The following DNAH17 variants were observed in gnomAD, a reference collection of about 807,000 sequenced individuals.
The protein encoded by DNAH17 is axonemal beta dynein heavy chain 17.
DNAH17 carries 376 observed loss-of-function variants against 485.6 expected under a neutral mutation model. The observed-to-expected ratio is 0.77, with a 90% CI of 0.71 to 0.84. DNAH17 has a LOEUF of 0.84. DNAH17 is among the 40% of genes least tolerant of loss of function. The pLI is 0.00. For synonymous variants in DNAH17, 3,031 were observed against 2,405.9 expected, an observed-to-expected ratio of 1.26 and a Z score of -7.60; for missense variants, 6,370 against 5,839.3, an observed-to-expected ratio of 1.09 and a Z score of -2.96.
intron 51 of DNAH17, among the ~76,000 whole-genome samples, chr17:78,477,765 C>A (rs950897124): frequency 1.3e-5 from 2 of 152,146 alleles, no homozygotes; most frequent in African/African-American, 2.4e-5. Flanking sequence ...ATATAAGCAC[C>A]AAACTTATGT....
Position 78,569,490 on chromosome 17 carries a change from C to G in DNAH17, c.1082G>C (p.Gly361Ala). The G allele has an allele frequency of 6.2e-7, 1 of 1,610,124 alleles. No individual in the cohort carries two copies. The highest frequency in any genetic ancestry group is 1.7e-4 in the Middle Eastern group (1 of 6,058). Reference sequence around the variant, plus strand: ...GACTTCCTCGATTTCACCTTGCAGGCCCTTCAGCACCTCTTCCGGGCTCAG... The same window carrying G: ...GACTTCCTCGATTTCACCTTGCAGGGCCTTCAGCACCTCTTCCGGGCTCAG... ...TFLSPEEVLK[G>A]LQGEIEEVLS... Residue 361 changes from glycine to alanine, a missense_variant, in exon 8 of 81, where the codon GGC becomes GCC. Gly to Ala is a moderately conservative substitution (Grantham distance 60, BLOSUM62 0). Coordinates refer to ENST00000389840, the MANE Select transcript of DNAH17 (RefSeq NM_173628.4).
intron 5 of DNAH17, 108 bp downstream of exon 5, chr17:78,571,171 G>A: frequency 7.7e-7 from 1 of 1,292,644 alleles, no homozygotes; most frequent in South Asian, 1.3e-5. Context: ...TGAGAAAGCT[G>A]CTCGCAGAGG....
intron 58 of DNAH17, among the ~76,000 whole-genome samples, chr17:78,460,882 C>A (rs929262916): frequency 4.6e-5 from 7 of 152,232 alleles, no homozygotes; most frequent in African/African-American, 1.7e-4. Context: ...TGTACATACT[C>A]ATTCATTCAC....
intron 42 of DNAH17, among the ~76,000 whole-genome samples, chr17:78,491,797 C>A (rs1337293829): frequency 6.6e-6 from 1 of 152,226 alleles, no homozygotes; most frequent in Non-Finnish European, 1.5e-5. Flanking sequence ...CCTCCTCCGA[C>A]CCTGCACCCT....
chr17:78,553,283 GTTTT>G lies in DNAH17; in HGVS notation c.2179-482_2179-479del, dbSNP rs60587420. ...AAATTACCCAGTCCCAGGTTTTTGTGTTTTTTTTTTTTTTTTTTTTTTTTTTTTT... is the reference window on the plus strand; with the variant it reads ...AAATTACCCAGTCCCAGGTTTTTGTGTTTTTTTTTTTTTTTTTTTTTTTTT... On this transcript the variant is annotated intron_variant, in intron 14 of 80. Coordinates refer to ENST00000389840, the MANE Select transcript of DNAH17 (RefSeq NM_173628.4). Among the ~76,000 whole-genome samples the G allele has an allele frequency of 1.9e-3, 98 of 51,024 alleles. 6 individuals are homozygous for G. Among genetic ancestry groups the G allele is most frequent in the East Asian group, 0.017 (26 of 1,500 alleles). The allele number at this position is 51,024 out of a possible 152,430, so 33.5% of individuals were successfully genotyped here. A position where few individuals can be genotyped will look rare whatever the true frequency, so the allele number is the denominator to read the frequency against.
rs115715400 is a variant in DNAH17, at chr17:78,455,846, G to T, written c.9978-10C>A. Reference sequence around the variant, plus strand: ...TAATCCCCCGACCAGCCTAAAGTGGGATGAGAGAGAATAAAACATATTTGC... The same window carrying T: ...TAATCCCCCGACCAGCCTAAAGTGGTATGAGAGAGAATAAAACATATTTGC... On this transcript the variant is annotated splice_polypyrimidine_tract_variant and intron_variant, in intron 62 of 80. Transcript: ENST00000389840. 141 of 1,579,066 alleles carry T rather than the reference G, an allele frequency of 8.9e-5. No individual in the cohort carries two copies. The African/African-American group carries it at 1.6e-3, about 18-fold the overall frequency.
chr17:78,533,159 TCA>T (rs59164944), intron 19 of DNAH17: 59,630 of 196,302 alleles, frequency 0.3, 9,874 homozygotes, highest in East Asian at 0.48. Context: ...CCGAGATGAC[TCA>T]CACATTGATT....
Position 78,485,018 on chromosome 17 carries a change from G to A in DNAH17, c.7499C>T (p.Pro2500Leu), listed in dbSNP as rs543665808. The change falls in exon 48 of 81, where the codon CCG becomes CTG. Residue 2500 changes from proline (P) to leucine (L), a missense_variant. Pro to Leu is a moderately conservative substitution (Grantham distance 98). Coordinates refer to ENST00000389840, the MANE Select transcript of DNAH17 (RefSeq NM_173628.4). The stretch of plus-strand genomic sequence containing the variant: ...GTTCCTCCCCGATTTCTTCTCCAGC[G>A]GCTTCTCCAGCACCCCTAGAGAGGG... Reference protein sequence around the residue: ...SAMLQGVLEKPLEKKSGRNYG... With the variant: ...SAMLQGVLEKLLEKKSGRNYG... 1.9e-6 allele frequency: 3 copies of A among 1,610,770 alleles called. No individual in the cohort carries two copies. The highest frequency in any genetic ancestry group is 2.2e-5 in the East Asian group (1 of 44,830).
Position 78,551,585 on chromosome 17 carries a change from T to C in DNAH17, c.2341A>G (p.Arg781Gly), listed in dbSNP as rs751756991. 6.2e-7 allele frequency: 1 copy of C among 1,614,064 alleles called. No homozygotes were observed. The highest frequency in any genetic ancestry group is 1.7e-5 in the Admixed American group (1 of 60,032). Residue 781 changes from arginine (R) to glycine (G), a missense_variant, in exon 16 of 81, where the codon AGG (arginine) becomes GGG (glycine). Arg to Gly is a moderately radical substitution (Grantham distance 125, BLOSUM62 -2). Coordinates refer to ENST00000389840, the MANE Select transcript of DNAH17 (RefSeq NM_173628.4). ...ATATTTTGTTTTGCCTTTTGCATCC[T>C]GTTCTGCAAGTTGTGCAGAATTTCT... ...VREILHNLQN[R>G]MQKAKQNIEG...
intron 48 of DNAH17, among the ~76,000 whole-genome samples, chr17:78,483,148 T>C (rs970839544): frequency 1.3e-5 from 2 of 152,140 alleles, no homozygotes; most frequent in African/African-American, 4.8e-5. Flanking sequence ...CCTCAAATGA[T>C]GTCAAACTCT....
chr17:78,445,515 C>A (rs187487956), intron 70 of DNAH17, 43 bp downstream of exon 70: 11 of 1,547,898 alleles, frequency 7.1e-6, no homozygotes, highest in African/African-American at 2.7e-5. Flanking sequence ...GGGGGCTCCA[C>A]GGCGGGGAGA....
chr17:78,460,262 AAGGAAGATGGAC>A lies in DNAH17; in HGVS notation c.9340-17_9340-6del, dbSNP rs2088033926. On this transcript the variant is annotated splice_polypyrimidine_tract_variant and splice_region_variant and intron_variant, in intron 58 of 80. Transcript: ENST00000389840. The stretch of plus-strand genomic sequence containing the variant: ...CTTTTGCTTCTCAGTGACGTTCTGG[AAGGAAGATGGAC>A]AGGAGAGGTTACTGCAGGCCTGTCC... 1.9e-6 allele frequency: 3 copies of A among 1,591,308 alleles called. No homozygotes were observed. Among genetic ancestry groups the A allele is most frequent in the East Asian group, 2.2e-5 (1 of 44,520 alleles).
intron 69 of DNAH17, among the ~76,000 whole-genome samples, chr17:78,447,756 C>G (rs886933851): frequency 7.0e-6 from 1 of 142,580 alleles, no homozygotes; most frequent in Non-Finnish European, 1.5e-5. Context: ...AATATGGACC[C>G]CATTGGTTCA....
At chr17:78,451,394 G>T in intron 66 of DNAH17, 75 bp downstream of exon 66, 2 of 1,409,856 alleles carry the variant, frequency 1.4e-6, no homozygotes, top group Non-Finnish European at 1.9e-6. Flanking sequence ...CCCTGGTCGG[G>T]GACCCTCACA....
At chr17:78,562,919 T>C (rs1445856095) in intron 11 of DNAH17, among the ~76,000 whole-genome samples, 1 of 152,072 alleles carries the variant, frequency 6.6e-6, no homozygotes, top group Non-Finnish European at 1.5e-5. Flanking sequence ...TGGGTGTGAG[T>C]GGGAAATCCA....
Position 78,445,047 on chromosome 17 carries a change from G to GGCT in DNAH17, c.11335-253_11335-251dup, listed in dbSNP as rs1210108449. On this transcript the variant is annotated intron_variant, in intron 70 of 80. Transcript: ENST00000389840. ...GACATGAGGCCTGGGATGGGCTAGG[G>GGCT]GCTGCTTCTCTAGGGGTCTCTGCAA... 2.0e-5 allele frequency among the ~76,000 whole-genome samples: 3 copies of GGCT among 152,268 alleles called. No homozygotes were observed. In the East Asian group the frequency reaches 5.8e-4, roughly 29 times the overall value.
intron 51 of DNAH17, among the ~76,000 whole-genome samples, chr17:78,478,105 A>G (rs1303915615): frequency 1.4e-5 from 2 of 140,108 alleles, no homozygotes; most frequent in African/African-American, 6.4e-5. Context: ...CACCATCATC[A>G]TCATCTCCAC....
rs770169139 is a variant in DNAH17, at chr17:78,507,379, G to C, written c.4585-10C>G. 5 of 1,614,032 alleles carry C rather than the reference G, an allele frequency of 3.1e-6. No individual in the cohort carries two copies. Among genetic ancestry groups the C allele is most frequent in the Non-Finnish European group, 4.2e-6 (5 of 1,179,894 alleles). On this transcript the variant is annotated splice_polypyrimidine_tract_variant and intron_variant, in intron 28 of 80. Transcript: ENST00000389840. Reference sequence around the variant, plus strand: ...CATCTTCCATCAAGGCCTGGGAAGAGAAGGGGATCGCCAAGGCATTAGGGA... The same window carrying C: ...CATCTTCCATCAAGGCCTGGGAAGACAAGGGGATCGCCAAGGCATTAGGGA...
Position 78,445,672 on chromosome 17 carries a change from G to A in DNAH17, c.11220C>T (p.Ser3740=). 1 of 1,588,428 alleles carries A rather than the reference G, an allele frequency of 6.3e-7. No homozygotes were observed. The highest frequency in any genetic ancestry group is 8.6e-7 in the Non-Finnish European group (1 of 1,167,612). Residue 3740 remains serine (S), a synonymous_variant, in exon 70 of 81, where the codon TCC becomes TCT. Coordinates refer to ENST00000389840, the MANE Select transcript of DNAH17 (RefSeq NM_173628.4). Reference sequence around the variant, plus strand: ...CCACTGGGTTCAGCTCCTTCTTCATGGACAGGACCTGGGGGAACATCGAGG... The same window carrying A: ...CCACTGGGTTCAGCTCCTTCTTCATAGACAGGACCTGGGGGAACATCGAGG... ...FLAQVTFQVL[S]MKKELNPVEL...
Sources: gnomAD v4.1 joint callset for allele counts (sites outside exome capture counted in the v4.1 genomes callset) on GRCh38, gnomAD v4.1.1 for gene constraint, MANE v1.5 for transcripts, NCBI Gene and HGNC (gene_info 2026-07-23, HGNC 2026-07-21) for gene names.